Variants in HGD observed in about 807,000 individuals in gnomAD.
The protein encoded by HGD is homogentisate oxidase.
HGD carries 61 observed loss-of-function variants against 60.8 expected under a neutral mutation model. That is an observed-to-expected ratio of 1.00 (90% CI 0.82 to 1.24). The LOEUF (loss-of-function observed/expected upper bound fraction) is 1.24, where lower values mean the gene tolerates loss of function less well. HGD is among the 50% of genes most tolerant of loss of function. The pLI is 0.00. For synonymous variants in HGD, 212 were observed against 187.7 expected (o/e 1.13, Z -1.06); for missense variants, 542 against 547.1 (o/e 0.99, Z 0.09).
intron 4 of HGD, 58 bp from the exon 5 acceptor site, chr3:120,652,709 C>A: frequency 8.7e-7 from 1 of 1,146,480 alleles, no homozygotes; most frequent in Non-Finnish European, 1.3e-6. Flanking sequence ...CATAGACCTT[C>A]TAAATAAATA....
At position 120,628,524 on chromosome 3, in the gene HGD, A is replaced by G. The variant is rs1477117342; in HGVS notation, c.1194T>C (p.Phe398=). The change falls in exon 14 of 14, where the codon TTT becomes TTC. Residue 398 remains phenylalanine (F), a synonymous_variant. Coordinates refer to ENST00000283871, the MANE Select transcript of HGD (RefSeq NM_000187.4). ...CCAGACTTAAAGATGATTCAAACAT[A>G]AATGCCTGGAGGAAGTGACGATGGG... ...PERIADGTMA[F]MFESSLSLAV... 1 of 1,614,086 alleles carries G rather than the reference A, an allele frequency of 6.2e-7. No homozygotes were observed. Among genetic ancestry groups the G allele is most frequent in the Admixed American group, 1.7e-5 (1 of 60,026 alleles).
intron 4 of HGD, among the ~76,000 whole-genome samples, chr3:120,662,330 T>C (rs1707792335): frequency 6.6e-6 from 1 of 152,080 alleles, no homozygotes; most frequent in Non-Finnish European, 1.5e-5. Context: ...GTCATTAAAA[T>C]AGTCTAGGTA....
At chr3:120,638,350 TGGTG>T in intron 12 of HGD, 101 bp downstream of exon 12, 1 of 1,365,800 alleles carries the variant, frequency 7.3e-7, no homozygotes, top group Non-Finnish European at 1.0e-6. Context: ...ATTCATGCCA[TGGTG>T]GGTGTCCAGA....
chr3:120,674,388 C>T (rs1250075858), intron 3 of HGD, among the ~76,000 whole-genome samples: 1 of 152,124 alleles, frequency 6.6e-6, no homozygotes, highest in Non-Finnish European at 1.5e-5. Flanking sequence ...AAGGCGAATA[C>T]CAGAGTAAAA....
At position 120,633,603 on chromosome 3, in the gene HGD, A is replaced by C. The variant is rs1265151802; in HGVS notation, c.1007-275T>G. The stretch of plus-strand genomic sequence containing the variant: ...AATCAGGCTAGATCTAAAGAAAATC[A>C]GGGCCCAGAGAAGATAATAATAATT... On this transcript the variant is annotated intron_variant, in intron 12 of 13. Coordinates refer to ENST00000283871, the MANE Select transcript of HGD (RefSeq NM_000187.4). 2.2e-6 allele frequency: 3 copies of C among 1,393,290 alleles called. No individual in the cohort carries two copies. The East Asian group carries it at 1.1e-4, about 52-fold the overall frequency. 86.3% of individuals were successfully genotyped at this position (1,393,290 alleles called of 1,614,324 possible). A position where few individuals can be genotyped will look rare whatever the true frequency, so the allele number is the denominator to read the frequency against.
chr3:120,663,860 G>A (rs181386318), intron 4 of HGD, among the ~76,000 whole-genome samples: 51 of 151,922 alleles, frequency 3.4e-4, no homozygotes, highest in Admixed American at 1.6e-3. Flanking sequence ...GGAAAAAGGC[G>A]CAAAATATGA....
Position 120,639,586 on chromosome 3 carries a change from A to G in HGD, c.880-1005T>C, listed in dbSNP as rs147571109. The stretch of plus-strand genomic sequence containing the variant: ...GAGAACCAACGGTGCCTGCTTCTCA[A>G]CCTCAGATCAAGTTGACTAGAGCTG... On this transcript the variant is annotated intron_variant, in intron 11 of 13. Coordinates refer to ENST00000283871, the MANE Select transcript of HGD (RefSeq NM_000187.4). Among the ~76,000 whole-genome samples the G allele has an allele frequency of 5.3e-3, 810 of 152,336 alleles. 5 individuals carry two copies. Among genetic ancestry groups the G allele is most frequent in the Middle Eastern group, 0.02 (6 of 294 alleles).
At position 120,637,326 on chromosome 3, in the gene HGD, C is replaced by CG. The variant is rs1168811867; in HGVS notation, c.1006+1128dup. Reference sequence around the variant, plus strand: ...TTTTCTGAAAAAAAAAAAAAAAAAGCGGGGGGGACAATAATACTACCTGTC... The same window carrying CG: ...TTTTCTGAAAAAAAAAAAAAAAAAGCGGGGGGGGACAATAATACTACCTGTC... On this transcript the variant is annotated intron_variant, in intron 12 of 13. Transcript: ENST00000283871. Among the ~76,000 whole-genome samples the CG allele has an allele frequency of 5.3e-3, 693 of 131,446 alleles. 2 individuals carry two copies. The highest frequency in any genetic ancestry group is 0.018 in the African/African-American group (665 of 36,502). The allele number at this position is 131,446 out of a possible 152,430, so 86.2% of individuals were successfully genotyped here.
At chr3:120,673,809 A>T (rs1708072362) in intron 3 of HGD, among the ~76,000 whole-genome samples, 1 of 152,198 alleles carries the variant, frequency 6.6e-6, no homozygotes, top group Admixed American at 6.5e-5. Context: ...CCAATGTGCT[A>T]AGCTAAGCTA....
At chr3:120,668,025 G>A (rs1041610081) in intron 4 of HGD, among the ~76,000 whole-genome samples, 13 of 152,208 alleles carry the variant, frequency 8.5e-5, no homozygotes, top group East Asian at 1.9e-4. Flanking sequence ...TGAATGCCTC[G>A]TCTGTGTCCC....
At chr3:120,640,739 T>C (rs1338713871) in intron 11 of HGD, among the ~76,000 whole-genome samples, 1 of 152,208 alleles carries the variant, frequency 6.6e-6, no homozygotes, top group Non-Finnish European at 1.5e-5. Context: ...GCTGTTTGTT[T>C]GGGGTCTGAT....
chr3:120,674,485 A>C (rs1708084790), intron 3 of HGD: 4 of 214,752 alleles, frequency 1.9e-5, no homozygotes, highest in Non-Finnish European at 2.9e-5. Context: ...CTTGCAAAGA[A>C]CATACCTCTA....
At chr3:120,655,072 A>G (rs1941454009) in intron 4 of HGD, among the ~76,000 whole-genome samples, 2 of 152,130 alleles carry the variant, frequency 1.3e-5, no homozygotes, top group Non-Finnish European at 2.9e-5. Flanking sequence ...CTCTGTCTAA[A>G]AAACAAAAAA....
intron 9 of HGD, among the ~76,000 whole-genome samples, chr3:120,645,584 C>T (rs1941132098): frequency 6.6e-6 from 1 of 152,124 alleles, no homozygotes; most frequent in African/African-American, 2.4e-5. Flanking sequence ...AATCTGCCTC[C>T]TGGGGTGTGG....
chr3:120,645,967 C>T (rs151063538), intron 9 of HGD, among the ~76,000 whole-genome samples: 1 of 152,276 alleles, frequency 6.6e-6, no homozygotes, highest in East Asian at 1.9e-4. Flanking sequence ...CCCAAGCCCA[C>T]AGTAACCCAA....
At chr3:120,654,711 A>G (rs1345081717) in intron 4 of HGD, among the ~76,000 whole-genome samples, 1 of 152,266 alleles carries the variant, frequency 6.6e-6, no homozygotes, top group Non-Finnish European at 1.5e-5. Flanking sequence ...AAATCCCAGT[A>G]GCAGGGGATT....
At chr3:120,658,079 T>C (rs1941554124) in intron 4 of HGD, among the ~76,000 whole-genome samples, 2 of 152,198 alleles carry the variant, frequency 1.3e-5, no homozygotes, top group Non-Finnish European at 2.9e-5. Context: ...CATATTATTC[T>C]GCCCTTGGCT....
chr3:120,646,740 G>C (rs1941177387), intron 8 of HGD, among the ~76,000 whole-genome samples: 1 of 151,968 alleles, frequency 6.6e-6, no homozygotes, highest in Non-Finnish European at 1.5e-5. Context: ...AAATATTTAG[G>C]AAAGTGCAAT....
chr3:120,646,595 C>T (rs1189827882), intron 8 of HGD, among the ~76,000 whole-genome samples: 2 of 151,842 alleles, frequency 1.3e-5, no homozygotes, highest in African/African-American at 4.8e-5. Context: ...GTGACCCAAG[C>T]CAATTCTAGT....
Sources: allele counts gnomAD v4.1 joint callset (sites outside exome capture counted in the v4.1 genomes callset), GRCh38; gene constraint gnomAD v4.1.1; transcripts MANE v1.5; gene names NCBI Gene and HGNC (gene_info 2026-07-23, HGNC 2026-07-21).